Variants in PTPRH observed in about 807,000 individuals in gnomAD.
PTPRH encodes the protein protein tyrosine phosphatase receptor type H, also known as receptor-type tyrosine-protein phosphatase H.
Under a neutral mutation model 130.2 loss-of-function variants are expected in PTPRH, and 113 were observed. The observed-to-expected ratio is 0.87, with a 90% CI of 0.75 to 1.01. The LOEUF (loss-of-function observed/expected upper bound fraction) is 1.01. Ranked by LOEUF, PTPRH falls within the 50% of genes least tolerant of loss-of-function variation. The pLI, the probability that PTPRH is intolerant of heterozygous loss-of-function variation, is 0.00. For missense variants in PTPRH, 1,430 were observed against 1,425.0 expected, an observed-to-expected ratio of 1.00 and a Z score of -0.06; for synonymous variants, 556 against 577.9, an observed-to-expected ratio of 0.96 and a Z score of 0.54.
chr19:55,200,148 A>G, intron 7 of PTPRH, 88 bp downstream of exon 7: 1 of 1,463,012 alleles, frequency 6.8e-7, no homozygotes, highest in Non-Finnish European at 9.4e-7. Flanking sequence ...TACGGACTAC[A>G]GAGCCAGAGC....
Position 55,191,580 on chromosome 19 carries a change from G to C in PTPRH, c.2337-32C>G, listed in dbSNP as rs774626992. On this transcript the variant is annotated intron_variant, in intron 11 of 19. Transcript: ENST00000376350. ...AAAGGACGTTAGGATGAGAGGCTCA[G>C]GGGGTGAGGCTGCAACCAGCGGTCC... 1.7e-5 allele frequency: 27 copies of C among 1,613,590 alleles called. No homozygotes were observed. The Admixed American group carries it at 3.2e-4, about 19-fold the overall frequency.
Position 55,209,272 on chromosome 19 carries a change from G to A in PTPRH, c.51+111C>T, listed in dbSNP as rs1464646987. ...GCCTGAAGCCCTCTTCCTTCTCCAG[G>A]GGATCTTCAGCACCTACTTCCTCAA... is the stretch of plus-strand genomic sequence containing the variant. On this transcript the variant is annotated intron_variant, in intron 1 of 19. Coordinates refer to ENST00000376350, the MANE Select transcript of PTPRH (RefSeq NM_002842.5). This position sits in a 1 kb window ranked among gnomAD's most constrained non-coding sequence, Gnocchi z 4.1. The A allele has an allele frequency of 3.8e-5, 35 of 921,282 alleles. No homozygotes were observed. The highest frequency in any genetic ancestry group is 5.7e-5 in the Non-Finnish European group (33 of 574,088). The allele number at this position is 921,282 out of a possible 1,614,324, so 57.1% of individuals were successfully genotyped here. A position where few individuals can be genotyped will look rare whatever the true frequency, so the allele number is the denominator to read the frequency against.
rs1355449330 is a variant in PTPRH at position 55,197,136 on chromosome 19, C to G, written c.1971G>C (p.Gln657His). 6 of 1,614,188 alleles carry G rather than the reference C, an allele frequency of 3.7e-6. No homozygotes were observed. Among genetic ancestry groups the G allele is most frequent in the Non-Finnish European group, 5.1e-6 (6 of 1,180,012 alleles). Residue 657 changes from glutamine to histidine, a missense_variant, in exon 9 of 20, where the codon CAG (glutamine) becomes CAC (histidine). Transcript: ENST00000376350. The part of the protein sequence containing the change: ...AERNDVASST[Q>H]SLCASTYPDT... The stretch of plus-strand genomic sequence containing the variant: ...TCTCACATGTGGACGCACAGAGGCT[C>G]TGCGTGGAACTGGCTACGTCATTCC...
rs755104237 is a variant in PTPRH, at chr19:55,206,818, C to G, written c.223G>C (p.Glu75Gln). 6.2e-7 allele frequency: 1 copy of G among 1,614,180 alleles called. No homozygotes were observed. The highest frequency in any genetic ancestry group is 8.5e-7 in the Non-Finnish European group (1 of 1,180,038). Residue 75 changes from glutamate (E) to glutamine (Q), a missense_variant, in exon 3 of 20, where the codon GAG becomes CAG. Physicochemically the swap from Glu to Gln is conservative, Grantham distance 29 (BLOSUM62 2). Transcript: ENST00000376350. ...VQCTGDGGTT[E>Q]TRNTTATNVT... The stretch of plus-strand genomic sequence containing the variant: ...TTGGTGGCTGTTGTGTTTCGAGTCT[C>G]TGTTGTGCCGCCGTCTCCAGTACAC...
chr19:55,195,202 A>G (rs2086649024), intron 10 of PTPRH, among the ~76,000 whole-genome samples: 2 of 152,112 alleles, frequency 1.3e-5, no homozygotes, highest in Admixed American at 1.3e-4. Flanking sequence ...GGAGGCGCCT[A>G]TAATCCCAGC....
intron 6 of PTPRH, 95 bp from the exon 7 acceptor site, chr19:55,200,597 T>C: frequency 2.2e-6 from 3 of 1,348,484 alleles, no homozygotes; most frequent in East Asian, 4.6e-5. Context: ...TCTTAGCTCT[T>C]GTTCAACTGC....
At chr19:55,188,792 C>T (rs930665449) in intron 12 of PTPRH, among the ~76,000 whole-genome samples, 1 of 152,202 alleles carries the variant, frequency 6.6e-6, no homozygotes, top group African/African-American at 2.4e-5. Context: ...TGGATCTGCA[C>T]TGTTCCGGAA....
At chr19:55,183,925 A>T (rs2086247472) in intron 18 of PTPRH, among the ~76,000 whole-genome samples, 1 of 152,080 alleles carries the variant, frequency 6.6e-6, no homozygotes, top group South Asian at 2.1e-4. Flanking sequence ...GCTTTGGCTG[A>T]TCTAGATATG....
chr19:55,181,561 G>C lies in PTPRH; in HGVS notation c.*193C>G, dbSNP rs1199306531. ...AGGGAACCAGGAATCCAGATCCCCA[G>C]CTCCCATAGGACTCATCTGAAGCCC... On this transcript the variant is annotated 3_prime_UTR_variant, in exon 20 of 20. Coordinates refer to ENST00000376350, the MANE Select transcript of PTPRH (RefSeq NM_002842.5). The C allele has an allele frequency of 7.4e-6, 5 of 672,256 alleles. No individual in the cohort carries two copies. The Admixed American group carries it at 8.3e-5, about 11-fold the overall frequency. 41.6% of individuals were successfully genotyped at this position (672,256 alleles called of 1,614,324 possible). A position where few individuals can be genotyped will look rare whatever the true frequency, so the allele number is the denominator to read the frequency against.
chr19:55,201,701 TAGA>T (rs1344333727), intron 6 of PTPRH, among the ~76,000 whole-genome samples: 3 of 152,240 alleles, frequency 2.0e-5, no homozygotes, highest in Non-Finnish European at 4.4e-5. Flanking sequence ...AGTTGGGAAC[TAGA>T]AGAAGAGTCA....
rs374671894 is a variant in PTPRH at position 55,205,312 on chromosome 19, C to T, written c.619+14G>A. The T allele has an allele frequency of 1.9e-4, 300 of 1,613,712 alleles. No individual in the cohort carries two copies. Among genetic ancestry groups the T allele is most frequent in the Non-Finnish European group, 2.3e-4 (276 of 1,179,696 alleles). On this transcript the variant is annotated intron_variant, in intron 4 of 19. Coordinates refer to ENST00000376350, the MANE Select transcript of PTPRH (RefSeq NM_002842.5). ...AAACAAGTAAGAGCAAAACAAATGG[C>T]GACTGCCTCTCACCTGTGGTGGCAT...
At position 55,186,130 on chromosome 19, in the gene PTPRH, A is replaced by G. The variant is rs941303394; in HGVS notation, c.2778+95T>C. The stretch of plus-strand genomic sequence containing the variant: ...CTGAAGACGCCTGGGGTTACCCTGG[A>G]GGAATCCGTAAGGTCTGGGTGTGGG... On this transcript the variant is annotated intron_variant, in intron 16 of 19. Coordinates refer to ENST00000376350, the MANE Select transcript of PTPRH (RefSeq NM_002842.5). The G allele has an allele frequency of 5.7e-6, 9 of 1,569,248 alleles. No homozygotes were observed. The African/African-American group carries it at 1.1e-4, about 19-fold the overall frequency.
In PTPRH at chr19:55,198,897, G is replaced by T. The variant is rs769999240; in HGVS notation, c.1436C>A (p.Thr479Lys). ...VSISTVPNAV[T>K]SLSKQDWTNS... ...GGTCCAGTCCTGCTTGCTGAGGCTT[G>T]TCACTGCGTTGGGGACTGGGAGAGG... The change falls in exon 8 of 20, where the codon ACA becomes AAA. Residue 479 changes from threonine to lysine, a missense_variant. Physicochemically the swap from Thr to Lys is moderately conservative, Grantham distance 78. Coordinates refer to ENST00000376350, the MANE Select transcript of PTPRH (RefSeq NM_002842.5). The T allele has an allele frequency of 1.8e-5, 28 of 1,521,050 alleles. No homozygotes were observed. Among genetic ancestry groups the T allele is most frequent in the Non-Finnish European group, 2.1e-5 (24 of 1,131,640 alleles). The allele number at this position is 1,521,050 out of a possible 1,614,324, so 94.2% of individuals were successfully genotyped here. A position where few individuals can be genotyped will look rare whatever the true frequency, so the allele number is the denominator to read the frequency against.
Position 55,181,874 on chromosome 19 carries a change from G to A in PTPRH, c.3228C>T (p.Ile1076=). ...EAQYVFLHQC[I]LRFLQQSAQA... is the part of the protein sequence containing the mutation. The stretch of plus-strand genomic sequence containing the variant: ...GGGCTGACTGTTGGAGGAACCGCAG[G>A]ATGCACTGATGCAGGAATACGTACT... Residue 1076 remains isoleucine, a synonymous_variant, in exon 20 of 20, where the codon ATC becomes ATT. Transcript: ENST00000376350. 1.2e-6 allele frequency: 2 copies of A among 1,614,194 alleles called. No individual in the cohort carries two copies. The highest frequency in any genetic ancestry group is 1.7e-6 in the Non-Finnish European group (2 of 1,180,030).
intron 18 of PTPRH, among the ~76,000 whole-genome samples, chr19:55,182,497 T>A (rs3760868): frequency 6.6e-6 from 1 of 151,980 alleles, no homozygotes; most frequent in African/African-American, 2.4e-5. Context: ...CACTCCAGCC[T>A]GGGCGACAAG....
chr19:55,206,943 C>A lies in PTPRH; in HGVS notation c.98G>T (p.Gly33Val). Reference protein sequence around the residue: ...TGARAPAPNPGRNLTVETQTT... With the variant: ...TGARAPAPNPVRNLTVETQTT... ...CTGAGTCTCCACTGTCAGGTTCCTCCCTGGGTTGGGGGCTGAGAATTGGGA... is the reference window on the plus strand; with the variant it reads ...CTGAGTCTCCACTGTCAGGTTCCTCACTGGGTTGGGGGCTGAGAATTGGGA... The change falls in exon 3 of 20, where the codon GGG (glycine) becomes GTG (valine). Residue 33 changes from glycine to valine, a missense_variant. Transcript: ENST00000376350. 6.3e-7 allele frequency: 1 copy of A among 1,598,366 alleles called. No individual in the cohort carries two copies. The highest frequency in any genetic ancestry group is 8.5e-7 in the Non-Finnish European group (1 of 1,169,878).
chr19:55,207,349 C>T, intron 1 of PTPRH, 150 bp from the exon 2 acceptor site: 3 of 775,328 alleles, frequency 3.9e-6, no homozygotes, highest in Middle Eastern at 3.7e-4. Flanking sequence ...CTGTCACGAC[C>T]TCGACCGTCT....
At chr19:55,198,256 G>T (rs2086747817) in intron 8 of PTPRH, among the ~76,000 whole-genome samples, 1 of 152,128 alleles carries the variant, frequency 6.6e-6, no homozygotes. Context: ...GAGTGATTTT[G>T]ATTTTTCTCA....
rs1568883928 is a variant in PTPRH at position 55,181,638 on chromosome 19, CT to C, written c.*115del. 1.1e-5 allele frequency: 16 copies of C among 1,422,258 alleles called. No individual in the cohort carries two copies. The highest frequency in any genetic ancestry group is 1.5e-5 in the Non-Finnish European group (16 of 1,038,620). 88.1% of individuals were successfully genotyped at this position (1,422,258 alleles called of 1,614,324 possible). On this transcript the variant is annotated 3_prime_UTR_variant, in exon 20 of 20. Transcript: ENST00000376350. ...CAGAGTTTGGGATACCAGCCCCCTCCTCCCACAGCACCCAGGAGTCTGGGAG... is the reference window on the plus strand; with the variant it reads ...CAGAGTTTGGGATACCAGCCCCCTCCCCCACAGCACCCAGGAGTCTGGGAG...
Sources: allele counts gnomAD v4.1 joint callset (sites outside exome capture counted in the v4.1 genomes callset), GRCh38; gene constraint gnomAD v4.1.1; non-coding constraint Gnocchi (gnomAD v3.1); transcripts MANE v1.5; gene names NCBI Gene and HGNC (gene_info 2026-07-23, HGNC 2026-07-21).